Variants in PKP4 observed in about 807,000 individuals in gnomAD.
The protein encoded by PKP4 is plakophilin 4, also known as plakophilin-4.
A neutral mutation model predicts 145.1 loss-of-function variants in PKP4; 90 were observed. The ratio of observed to expected loss-of-function variants is 0.62; its 90% CI spans 0.52 to 0.74. The LOEUF (loss-of-function observed/expected upper bound fraction) is 0.74. Among genes scored for constraint, PKP4 ranks in the 30% least tolerant of loss-of-function variants. PKP4 has a pLI of 0.00. For synonymous variants in PKP4, 563 were observed against 577.2 expected, an observed-to-expected ratio of 0.98 and a Z score of 0.35; for missense variants, 1,340 against 1,482.7, an observed-to-expected ratio of 0.90 and a Z score of 1.58.
intron 1 of PKP4, among the ~76,000 whole-genome samples, chr2:158,463,484 G>T (rs535659351): frequency 6.6e-6 from 1 of 151,430 alleles, no homozygotes; most frequent in Admixed American, 6.6e-5. Flanking sequence ...AAAAGAGGAA[G>T]GGGGTTTGGA....
chr2:158,566,895 A>AG (rs1045171374), intron 2 of PKP4, among the ~76,000 whole-genome samples: 13 of 152,284 alleles, frequency 8.5e-5, no homozygotes, highest in Middle Eastern at 3.4e-3. Context: ...TAGGAGAAAA[A>AG]GTAAATGAAA....
In PKP4 at chr2:158,533,319, A is replaced by G; in HGVS notation, c.132+3A>G. On this transcript the variant is annotated splice_donor_region_variant and intron_variant, in intron 2 of 21. Coordinates refer to ENST00000389759, the MANE Select transcript of PKP4 (RefSeq NM_003628.6). ...TTCTAGCATCCGTGAAGGAGCAGGTACATCCTCGTATTGAAAGTTGCAGTG... is the reference window on the plus strand; with the variant it reads ...TTCTAGCATCCGTGAAGGAGCAGGTGCATCCTCGTATTGAAAGTTGCAGTG... 1 of 1,614,080 alleles carries G rather than the reference A, an allele frequency of 6.2e-7. No individual in the cohort carries two copies. Among genetic ancestry groups the G allele is most frequent in the Non-Finnish European group, 8.5e-7 (1 of 1,179,934 alleles).
At chr2:158,600,211 T>G (rs943590262) in intron 3 of PKP4, among the ~76,000 whole-genome samples, 1 of 152,240 alleles carries the variant, frequency 6.6e-6, no homozygotes, top group African/African-American at 2.4e-5. Flanking sequence ...TGGATTTCAT[T>G]CTAAATGATT....
At chr2:158,634,948 C>T (rs1320194451) in intron 9 of PKP4, among the ~76,000 whole-genome samples, 1 of 152,062 alleles carries the variant, frequency 6.6e-6, no homozygotes, top group Non-Finnish European at 1.5e-5. Flanking sequence ...GAAAAACTGA[C>T]CTTGTCCTTA....
At chr2:158,498,067 A>G (rs1218521598) in intron 1 of PKP4, among the ~76,000 whole-genome samples, 1 of 152,256 alleles carries the variant, frequency 6.6e-6, no homozygotes, top group African/African-American at 2.4e-5. Context: ...ATTTTTTTAG[A>G]AAAAGGAGAT....
intron 1 of PKP4, chr2:158,457,548 C>G (rs1383788296): frequency 2.0e-5 from 3 of 152,396 alleles, no homozygotes; most frequent in Admixed American, 2.0e-4. Flanking sequence ...AGCTCCCAGC[C>G]CCGAACTTGA....
At chr2:158,547,805 T>C (rs1468336433) in intron 2 of PKP4, among the ~76,000 whole-genome samples, 1 of 152,192 alleles carries the variant, frequency 6.6e-6, no homozygotes, top group Non-Finnish European at 1.5e-5. Flanking sequence ...AACTCCAGTA[T>C]GCAGCTTAAT....
Position 158,621,059 on chromosome 2 carries a change from G to T in PKP4, c.350G>T (p.Arg117Met), listed in dbSNP as rs754920496. ...GTCCAGCCCAACAACTATCTCATCAGGACAGAGCCAGAACAAGGAACCCTC... is the reference window on the plus strand; with the variant it reads ...GTCCAGCCCAACAACTATCTCATCATGACAGAGCCAGAACAAGGAACCCTC... ...DAVQPNNYLI[R>M]TEPEQGTLYS... Residue 117 changes from arginine to methionine, a missense_variant, in exon 5 of 22, where the codon AGG (arginine) becomes ATG (methionine). Arg to Met is a moderately conservative substitution (Grantham distance 91, BLOSUM62 -1). Coordinates refer to ENST00000389759, the MANE Select transcript of PKP4 (RefSeq NM_003628.6). 6.2e-7 allele frequency: 1 copy of T among 1,614,092 alleles called. No individual in the cohort carries two copies. The highest frequency in any genetic ancestry group is 8.5e-7 in the Non-Finnish European group (1 of 1,179,992).
intron 1 of PKP4, among the ~76,000 whole-genome samples, chr2:158,478,616 G>A (rs1339016806): frequency 6.6e-6 from 1 of 152,152 alleles, no homozygotes; most frequent in Non-Finnish European, 1.5e-5. Context: ...TTAATTCATT[G>A]TGATAAAGCA....
At chr2:158,633,691 T>C (rs2053579198) in intron 8 of PKP4, among the ~76,000 whole-genome samples, 1 of 152,254 alleles carries the variant, frequency 6.6e-6, no homozygotes, top group South Asian at 2.1e-4. Flanking sequence ...TTGATGGTTT[T>C]AATTACTTAC....
At chr2:158,645,947 G>A (rs2054786870) in intron 11 of PKP4, among the ~76,000 whole-genome samples, 1 of 152,130 alleles carries the variant, frequency 6.6e-6, no homozygotes, top group Non-Finnish European at 1.5e-5. Context: ...TAGGTTACCT[G>A]GAGCACACTC....
At chr2:158,674,076 A>T in intron 19 of PKP4, 76 bp downstream of exon 19, 1 of 870,778 alleles carries the variant, frequency 1.1e-6, no homozygotes, top group Non-Finnish European at 2.0e-6. Context: ...AGAAGATCAA[A>T]CATAAGCTGG....
intron 2 of PKP4, among the ~76,000 whole-genome samples, chr2:158,575,203 A>G (rs927169077): frequency 2.0e-5 from 3 of 152,192 alleles, no homozygotes; most frequent in Admixed American, 2.0e-4. Context: ...CCATGTCAGG[A>G]TCTTGACCTT....
chr2:158,555,993 G>A (rs141474322), intron 2 of PKP4, among the ~76,000 whole-genome samples: 159 of 152,174 alleles, frequency 1.0e-3, no homozygotes, highest in African/African-American at 3.6e-3. Context: ...TAAGGACAGG[G>A]CATTTATATT....
intron 15 of PKP4, among the ~76,000 whole-genome samples, chr2:158,665,463 A>G (rs2056994228): frequency 6.6e-6 from 1 of 152,224 alleles, no homozygotes; most frequent in Non-Finnish European, 1.5e-5. Flanking sequence ...TGGATGGTCA[A>G]TCACATATTT....
Position 158,460,046 on chromosome 2 carries a change from T to C in PKP4, c.-6+2828T>C, listed in dbSNP as rs1463165597. 3.3e-5 allele frequency among the ~76,000 whole-genome samples: 5 copies of C among 152,166 alleles called. No homozygotes were observed. In the East Asian group the frequency reaches 7.7e-4, roughly 23 times the overall value. The stretch of plus-strand genomic sequence containing the variant: ...GTGCTGCATCTGGTGTCTTATGTAT[T>C]ATACTGAAGAGTCTAAGTTGGGAAA... On this transcript the variant is annotated intron_variant, in intron 1 of 21. Transcript: ENST00000389759.
chr2:158,536,502 A>G (rs1466750771), intron 2 of PKP4, among the ~76,000 whole-genome samples: 1 of 152,198 alleles, frequency 6.6e-6, no homozygotes, highest in Non-Finnish European at 1.5e-5. Flanking sequence ...AATTCATGGT[A>G]AGTGGTAGGA....
At chr2:158,599,868 G>T (rs1031404694) in intron 3 of PKP4, among the ~76,000 whole-genome samples, 1 of 152,146 alleles carries the variant, frequency 6.6e-6, no homozygotes, top group Non-Finnish European at 1.5e-5. Context: ...CTGCCCTCTG[G>T]CTGGAGGGGA....
chr2:158,543,138 G>A (rs1395105869), intron 2 of PKP4, among the ~76,000 whole-genome samples: 1 of 152,162 alleles, frequency 6.6e-6, no homozygotes, highest in Non-Finnish European at 1.5e-5. Flanking sequence ...GTCTTGAACT[G>A]TACAATATCC....
Sources: gnomAD v4.1 joint callset for allele counts (sites outside exome capture counted in the v4.1 genomes callset) on GRCh38, gnomAD v4.1.1 for gene constraint, MANE v1.5 for transcripts, NCBI Gene and HGNC (gene_info 2026-07-23, HGNC 2026-07-21) for gene names.